MACROD2: variants seen among roughly 807,000 people sequenced by gnomAD.
MACROD2 encodes mono-ADP ribosylhydrolase 2.
A neutral mutation model predicts 70.4 loss-of-function variants in MACROD2; 36 were observed. The ratio of observed to expected loss-of-function variants is 0.51; its 90% CI spans 0.39 to 0.68. MACROD2 has a LOEUF of 0.68. Ranked by LOEUF, MACROD2 falls within the 30% of genes least tolerant of loss-of-function variation. The probability of loss-of-function intolerance (pLI) is 0.00; values close to 1 mark genes in which losing one functional copy is unlikely to be tolerated. For missense variants in MACROD2, 496 were observed against 538.4 expected (o/e 0.92, Z 0.78); for synonymous variants, 172 against 178.8 (o/e 0.96, Z 0.30).
chr20:14,423,699 C>CAAA (rs1228934904), intron 3 of MACROD2, among the ~76,000 whole-genome samples: 11 of 51,332 alleles, frequency 2.1e-4, no homozygotes, highest in Non-Finnish European at 3.0e-4. Flanking sequence ...GACTCTGTCT[C>CAAA]AAAAAAAAAA....
intron 3 of MACROD2, among the ~76,000 whole-genome samples, chr20:14,262,488 T>C (rs967543189): frequency 6.6e-6 from 1 of 152,198 alleles, no homozygotes; most frequent in African/African-American, 2.4e-5. Context: ...GGAAGTGTCT[T>C]GACTAAAGTT....
At chr20:15,957,963 G>A (rs2066001171) in intron 12 of MACROD2, among the ~76,000 whole-genome samples, 1 of 152,152 alleles carries the variant, frequency 6.6e-6, no homozygotes, top group African/African-American at 2.4e-5. Flanking sequence ...GGTTCTATTT[G>A]CAATGGTGCT....
At chr20:14,041,135 A>G (rs761153716) in intron 2 of MACROD2, among the ~76,000 whole-genome samples, 6 of 152,218 alleles carry the variant, frequency 3.9e-5, no homozygotes, top group Non-Finnish European at 7.4e-5. Flanking sequence ...AAAACTATGT[A>G]GATTGCAAAT....
At chr20:14,676,257 AC>A (rs1388223421) in intron 4 of MACROD2, among the ~76,000 whole-genome samples, 1 of 152,170 alleles carries the variant, frequency 6.6e-6, no homozygotes, top group Non-Finnish European at 1.5e-5. Flanking sequence ...TCTTTTCAGC[AC>A]CACATCATGC....
At chr20:14,476,997 A>G (rs950903874) in intron 3 of MACROD2, among the ~76,000 whole-genome samples, 5 of 152,156 alleles carry the variant, frequency 3.3e-5, no homozygotes, top group Non-Finnish European at 7.3e-5. Flanking sequence ...TCTCTCAGGT[A>G]CCACAGAGGA....
At chr20:15,883,880 G>T (rs1408550930) in intron 9 of MACROD2, among the ~76,000 whole-genome samples, 1 of 152,096 alleles carries the variant, frequency 6.6e-6, no homozygotes. Context: ...CAGAATTTAT[G>T]ATCTGGAGAC....
At chr20:14,936,372 C>G (rs1363452023) in intron 5 of MACROD2, among the ~76,000 whole-genome samples, 2 of 152,166 alleles carry the variant, frequency 1.3e-5, no homozygotes, top group African/African-American at 4.8e-5. Flanking sequence ...TGATTGTGTG[C>G]TGACCAGCAA....
At chr20:15,538,246 C>T (rs1307705881) in intron 8 of MACROD2, among the ~76,000 whole-genome samples, 1 of 152,124 alleles carries the variant, frequency 6.6e-6, no homozygotes, top group Non-Finnish European at 1.5e-5. Flanking sequence ...ATGTACATGT[C>T]AGATACTGGG....
intron 10 of MACROD2, among the ~76,000 whole-genome samples, chr20:15,929,069 A>G (rs2065534044): frequency 6.6e-6 from 1 of 152,178 alleles, no homozygotes; most frequent in South Asian, 2.1e-4. Context: ...CCCTACAACA[A>G]AAATATTTAT....
At chr20:15,363,607 A>G (rs568733386) in intron 6 of MACROD2, among the ~76,000 whole-genome samples, 1 of 152,318 alleles carries the variant, frequency 6.6e-6, no homozygotes, top group Admixed American at 6.5e-5. Flanking sequence ...GACCTGCACT[A>G]TATAAACTCT....
chr20:14,078,632 T>TC (rs992547537), intron 2 of MACROD2, among the ~76,000 whole-genome samples: 1 of 152,012 alleles, frequency 6.6e-6, no homozygotes, highest in African/African-American at 2.4e-5. Flanking sequence ...GGTCTCGAAC[T>TC]CCTGACGTCA....
intron 10 of MACROD2, chr20:15,894,079 A>G: frequency 2.6e-6 from 1 of 388,372 alleles, no homozygotes; most frequent in South Asian, 1.9e-5. Flanking sequence ...ATGATGCCAC[A>G]GGGGTTCTCA....
intron 4 of MACROD2, among the ~76,000 whole-genome samples, chr20:14,619,320 C>T (rs1287586592): frequency 7.4e-6 from 1 of 135,452 alleles, no homozygotes; most frequent in Admixed American, 8.4e-5. Flanking sequence ...TGTCTTTCTT[C>T]AGTAGAAGAA....
intron 3 of MACROD2, among the ~76,000 whole-genome samples, chr20:14,108,463 T>A: frequency 1.4e-5 from 2 of 144,608 alleles, no homozygotes; most frequent in Admixed American, 6.9e-5. Flanking sequence ...AGACATAAAG[T>A]GGCTAAGTGG....
In MACROD2 at chr20:14,806,549, C is replaced by G. The variant is rs1349914788; in HGVS notation, c.418+121590C>G. ...ACATCAAGCTAGCTGCAGGAATTTT[C>G]TTTTTGTACCCCACTGGCACCTGGA... On this transcript the variant is annotated intron_variant, in intron 5 of 17. Transcript: ENST00000684519. 2.6e-5 allele frequency among the ~76,000 whole-genome samples: 4 copies of G among 152,024 alleles called. 1 individual carries two copies. Among genetic ancestry groups the G allele is most frequent in the Admixed American group, 2.0e-4 (3 of 15,252 alleles).
chr20:14,318,846 A>G (rs1449650501), intron 3 of MACROD2, among the ~76,000 whole-genome samples: 1 of 152,038 alleles, frequency 6.6e-6, no homozygotes, highest in East Asian at 1.9e-4. Context: ...GGCCACTGCA[A>G]TCTTTTTCTT....
At chr20:14,994,016 G>T (rs914222732) in intron 5 of MACROD2, among the ~76,000 whole-genome samples, 1 of 152,010 alleles carries the variant, frequency 6.6e-6, no homozygotes, top group Non-Finnish European at 1.5e-5. Flanking sequence ...CTTCAAGAAG[G>T]CATCAGGCAT....
rs549462234 is a variant in MACROD2, at chr20:14,053,911, A to AT, written c.164-31703dup. Among the ~76,000 whole-genome samples the AT allele has an allele frequency of 5.9e-5, 9 of 152,130 alleles. No individual in the cohort carries two copies. The East Asian group carries it at 1.5e-3, about 26-fold the overall frequency. On this transcript the variant is annotated intron_variant, in intron 2 of 17. Transcript: ENST00000684519. ...ATATGTTGTAATATTAAGGATATTG[A>AT]TTTTTTTCTATTAAATGTTGAGCTT...
chr20:15,095,490 T>TTTTTG (rs915398825), intron 5 of MACROD2, among the ~76,000 whole-genome samples: 1 of 151,968 alleles, frequency 6.6e-6, no homozygotes, highest in African/African-American at 2.4e-5. Context: ...GATTTATAGT[T>TTTTTG]TTTTGTTTTG....
Sources: allele counts gnomAD v4.1 joint callset (sites outside exome capture counted in the v4.1 genomes callset), GRCh38; gene constraint gnomAD v4.1.1; transcripts MANE v1.5; gene names NCBI Gene and HGNC (gene_info 2026-07-23, HGNC 2026-07-21).